Variants in RNGTT observed in about 807,000 individuals in gnomAD.
RNGTT encodes the protein mRNA-capping enzyme.
RNGTT carries 33 observed loss-of-function variants against 79.3 expected under a neutral mutation model. The observed-to-expected ratio is 0.42, with a 90% CI of 0.32 to 0.56. RNGTT has a LOEUF of 0.56. RNGTT is among the 20% of genes least tolerant of loss of function. The probability of loss-of-function intolerance (pLI) is 0.17; values close to 1 mark genes in which losing one functional copy is unlikely to be tolerated. For missense variants in RNGTT, 497 were observed against 739.1 expected (o/e 0.67, Z 3.80); for synonymous variants, 222 against 235.9 (o/e 0.94, Z 0.54).
intron 4 of RNGTT, among the ~76,000 whole-genome samples, chr6:88,921,022 A>T (rs1428280905): frequency 6.6e-6 from 1 of 152,226 alleles, no homozygotes; most frequent in Non-Finnish European, 1.5e-5. Flanking sequence ...AGACAATAAC[A>T]GAAACTAGTC....
rs1774403408 is a variant in RNGTT, at chr6:88,666,247, G to T, written c.1506+12106C>A. Among the ~76,000 whole-genome samples, 3 of 152,148 alleles carry T rather than the reference G, an allele frequency of 2.0e-5. No homozygotes were observed. The South Asian group carries it at 6.2e-4, about 32-fold the overall frequency. ...CTGACCTGACAAAGCCATTTACATTGTATGTGTCAGAAAGAAAAAAAATAG... is the reference window on the plus strand; with the variant it reads ...CTGACCTGACAAAGCCATTTACATTTTATGTGTCAGAAAGAAAAAAAATAG... On this transcript the variant is annotated intron_variant, in intron 14 of 15. Transcript: ENST00000369485.
intron 14 of RNGTT, among the ~76,000 whole-genome samples, chr6:88,667,394 G>A (rs1055673334): frequency 4.6e-5 from 7 of 152,070 alleles, no homozygotes; most frequent in African/African-American, 7.2e-5. Context: ...ATGTCTTGTC[G>A]GCCCTTGCCA....
In RNGTT at chr6:88,725,502, C is replaced by T. The variant is rs111351810; in HGVS notation, c.1439+44272G>A. Among the ~76,000 whole-genome samples, 1,313 of 152,260 alleles carry T rather than the reference C, an allele frequency of 8.6e-3. 20 individuals carry two copies. Among genetic ancestry groups the T allele is most frequent in the African/African-American group, 0.03 (1,230 of 41,538 alleles). On this transcript the variant is annotated intron_variant, in intron 13 of 15. Transcript: ENST00000369485. The stretch of plus-strand genomic sequence containing the variant: ...TTAGTCAGGACTAGGGAAAGAAAGC[C>T]ACAGGGGGTGGTGAAGTATTCCTCA...
At position 88,943,357 on chromosome 6, in the gene RNGTT, T is replaced by G. The variant is rs546137625; in HGVS notation, c.65-2177A>C. Among the ~76,000 whole-genome samples the G allele has an allele frequency of 2.0e-5, 3 of 152,316 alleles. No individual in the cohort carries two copies. The South Asian group carries it at 6.2e-4, about 32-fold the overall frequency. ...AAACCTTTTAGGTTATCCTTGCCTATTCTCCTTTTCTCACACCCAACATCC... is the reference window on the plus strand; with the variant it reads ...AAACCTTTTAGGTTATCCTTGCCTAGTCTCCTTTTCTCACACCCAACATCC... On this transcript the variant is annotated intron_variant, in intron 1 of 15. Coordinates refer to ENST00000369485, the MANE Select transcript of RNGTT (RefSeq NM_003800.5).
At position 88,891,916 on chromosome 6, in the gene RNGTT, CT is replaced by C; in HGVS notation, c.685-2del. ...TAACACCTTCCAAGAAAATAGCGCC[CT>C]TTAAAAAAAAAATAAGAAAAATAAG... On this transcript the variant is annotated splice_acceptor_variant, in intron 6 of 15. Transcript: ENST00000369485. LOFTEE classifies it high-confidence loss of function. 11 of 1,528,022 alleles carry C rather than the reference CT, an allele frequency of 7.2e-6. No individual in the cohort carries two copies. Among genetic ancestry groups the C allele is most frequent in the South Asian group, 3.9e-5 (3 of 77,406 alleles). 94.7% of individuals were successfully genotyped at this position (1,528,022 alleles called of 1,614,324 possible).
rs562067905 is a variant in RNGTT, at chr6:88,704,168, G to A, written c.1440-25749C>T. Among the ~76,000 whole-genome samples, 9 of 146,902 alleles carry A rather than the reference G, an allele frequency of 6.1e-5. No homozygotes were observed. In the East Asian group the frequency reaches 1.3e-3, roughly 21 times the overall value. On this transcript the variant is annotated intron_variant, in intron 13 of 15. Transcript: ENST00000369485. ...CCAGCTACTCGGGAGGCTGAGGCAG[G>A]AGAATGGCATGAACCCAGGAGGTGG...
intron 8 of RNGTT, among the ~76,000 whole-genome samples, chr6:88,887,604 A>T (rs1782909643): frequency 6.6e-6 from 1 of 152,226 alleles, no homozygotes; most frequent in South Asian, 2.1e-4. Context: ...TTCCATTAGC[A>T]ATCAAAAACA....
Position 88,932,812 on chromosome 6 carries a change from T to C in RNGTT, c.175-3545A>G, listed in dbSNP as rs1045961610. On this transcript the variant is annotated intron_variant, in intron 2 of 15. Transcript: ENST00000369485. ...CTAGAATCACAATCAGCCAGCAAGA[T>C]AGTCTCACTTAGAAACGCACACCTA... 7.2e-5 allele frequency among the ~76,000 whole-genome samples: 11 copies of C among 152,308 alleles called. No homozygotes were observed. In the East Asian group the frequency reaches 1.7e-3, roughly 24 times the overall value.
intron 13 of RNGTT, among the ~76,000 whole-genome samples, chr6:88,766,168 G>A (rs1163821153): frequency 6.6e-6 from 1 of 152,080 alleles, no homozygotes; most frequent in Non-Finnish European, 1.5e-5. Flanking sequence ...TTTTATTGAT[G>A]AAGAACTTGA....
intron 13 of RNGTT, among the ~76,000 whole-genome samples, chr6:88,727,723 T>TA (rs1776968388): frequency 6.6e-6 from 1 of 152,180 alleles, no homozygotes; most frequent in Non-Finnish European, 1.5e-5. Flanking sequence ...CTAATAAAAA[T>TA]AGGTGCTAAA....
chr6:88,729,483 G>A (rs1392418599), intron 13 of RNGTT, among the ~76,000 whole-genome samples: 1 of 151,802 alleles, frequency 6.6e-6, no homozygotes, highest in South Asian at 2.1e-4. Context: ...AGTCCCAAGG[G>A]GAGTACCAGA....
chr6:88,664,651 T>C (rs1335403306), intron 14 of RNGTT, among the ~76,000 whole-genome samples: 1 of 152,064 alleles, frequency 6.6e-6, no homozygotes, highest in Non-Finnish European at 1.5e-5. Flanking sequence ...GCGCCTATTG[T>C]AAAGAGACAG....
intron 11 of RNGTT, among the ~76,000 whole-genome samples, chr6:88,807,939 A>G (rs780921026): frequency 2.6e-5 from 4 of 152,166 alleles, no homozygotes; most frequent in Non-Finnish European, 4.4e-5. Context: ...TGTCAATCCA[A>G]AAATCTTTAG....
At chr6:88,794,769 T>C (rs1779538433) in intron 12 of RNGTT, among the ~76,000 whole-genome samples, 1 of 152,238 alleles carries the variant, frequency 6.6e-6, no homozygotes, top group Non-Finnish European at 1.5e-5. Context: ...TCAGTTTTAG[T>C]TCTGAAGCAA....
At chr6:88,956,812 G>A (rs1327797160) in intron 1 of RNGTT, among the ~76,000 whole-genome samples, 1 of 152,178 alleles carries the variant, frequency 6.6e-6, no homozygotes, top group Non-Finnish European at 1.5e-5. Flanking sequence ...GCCGAGGTGG[G>A]TGAATCATTT....
intron 4 of RNGTT, among the ~76,000 whole-genome samples, chr6:88,917,119 A>G (rs1784024410): frequency 6.6e-6 from 1 of 152,200 alleles, no homozygotes; most frequent in African/African-American, 2.4e-5. Context: ...CGGATTTGTC[A>G]GTCTCTTTCT....
At chr6:88,867,996 T>C (rs1582561374) in intron 8 of RNGTT, among the ~76,000 whole-genome samples, 1 of 152,214 alleles carries the variant, frequency 6.6e-6, no homozygotes, top group East Asian at 1.9e-4. Context: ...TAGCTTTCTG[T>C]GCCATCACAA....
intron 4 of RNGTT, among the ~76,000 whole-genome samples, chr6:88,919,250 C>T (rs1171156812): frequency 6.6e-6 from 1 of 152,092 alleles, no homozygotes; most frequent in East Asian, 1.9e-4. Context: ...GTAAGTAAGC[C>T]ACAGTTTTTA....
At chr6:88,684,949 T>C (rs1338665496) in intron 13 of RNGTT, among the ~76,000 whole-genome samples, 2 of 152,098 alleles carry the variant, frequency 1.3e-5, no homozygotes, top group African/African-American at 4.8e-5. Context: ...CTCTAAAAGA[T>C]CAAGTCTATT....
Sources: gnomAD v4.1 joint callset for allele counts (sites outside exome capture counted in the v4.1 genomes callset) on GRCh38, gnomAD v4.1.1 for gene constraint, MANE v1.5 for transcripts, NCBI Gene and HGNC (gene_info 2026-07-23, HGNC 2026-07-21) for gene names.